RNASEH2A: variants seen among roughly 807,000 people sequenced by gnomAD.
RNASEH2A encodes RNase H(35).
A neutral mutation model predicts 32.7 loss-of-function variants in RNASEH2A; 30 were observed. The ratio of observed to expected loss-of-function variants is 0.92; its 90% CI spans 0.69 to 1.25. The LOEUF (loss-of-function observed/expected upper bound fraction) is 1.25, where lower values mean the gene tolerates loss of function less well. Among genes scored for constraint, RNASEH2A ranks in the 50% most tolerant of loss-of-function variants. The pLI is 0.00. For synonymous variants in RNASEH2A, 147 were observed against 165.4 expected, an observed-to-expected ratio of 0.89 and a Z score of 0.86; for missense variants, 409 against 398.1, an observed-to-expected ratio of 1.03 and a Z score of -0.23.
At position 12,809,339 on chromosome 19, in the gene RNASEH2A, C is replaced by T. The variant is rs551331114; in HGVS notation, c.412-732C>T. Among the ~76,000 whole-genome samples the T allele has an allele frequency of 2.0e-5, 3 of 152,334 alleles. 1 individual carries two copies. The highest frequency in any genetic ancestry group is 4.8e-5 in the African/African-American group (2 of 41,574). On this transcript the variant is annotated intron_variant, in intron 4 of 7. Coordinates refer to ENST00000221486, the MANE Select transcript of RNASEH2A (RefSeq NM_006397.3). ...CCCAGCAGCTCTTGGACCCTCTCTTCGGTGCTGCAGCCAAAGGCCCCCATG... is the reference window on the plus strand; with the variant it reads ...CCCAGCAGCTCTTGGACCCTCTCTTTGGTGCTGCAGCCAAAGGCCCCCATG...
At chr19:12,812,448 C>T (rs180826749) in intron 6 of RNASEH2A, among the ~76,000 whole-genome samples, 1 of 152,242 alleles carries the variant, frequency 6.6e-6, no homozygotes, top group Non-Finnish European at 1.5e-5. Flanking sequence ...AGGAGAATCG[C>T]TTGAACCTGG....
rs944396886 is a variant in RNASEH2A, at chr19:12,808,600, G to A, written c.411+1094G>A. The stretch of plus-strand genomic sequence containing the variant: ...TCTGTTCCCCAAGCAGCAACAGAAG[G>A]TAGTCTTTTTGAAATGCACATCTCG... On this transcript the variant is annotated intron_variant, in intron 4 of 7. Coordinates refer to ENST00000221486, the MANE Select transcript of RNASEH2A (RefSeq NM_006397.3). 1.6e-4 allele frequency among the ~76,000 whole-genome samples: 25 copies of A among 152,234 alleles called. 1 individual carries two copies. The highest frequency in any genetic ancestry group is 3.4e-3 in the Middle Eastern group (1 of 294).
At chr19:12,810,522 T>G in intron 6 of RNASEH2A, 118 bp downstream of exon 6, 2 of 990,330 alleles carry the variant, frequency 2.0e-6, no homozygotes, top group Non-Finnish European at 3.1e-6. Context: ...TTTTTTGTTT[T>G]TATTTGTTAT....
rs1273927521 is a variant in RNASEH2A at position 12,813,633 on chromosome 19, T to G, written c.*167T>G. On this transcript the variant is annotated 3_prime_UTR_variant, in exon 8 of 8. Transcript: ENST00000221486. The stretch of plus-strand genomic sequence containing the variant: ...GAACCTTAAATAGAATGGGTGTTGG[T>G]TGATTAATTTTATTTGGTTTGATTT... The G allele has an allele frequency of 3.5e-6, 2 of 578,090 alleles. No homozygotes were observed. Among genetic ancestry groups the G allele is most frequent in the African/African-American group, 3.7e-5 (2 of 53,424 alleles). 35.8% of individuals were successfully genotyped at this position (578,090 alleles called of 1,614,324 possible). A position where few individuals can be genotyped will look rare whatever the true frequency, so the allele number is the denominator to read the frequency against.
intron 6 of RNASEH2A, among the ~76,000 whole-genome samples, chr19:12,810,954 C>T (rs1213772912): frequency 2.0e-5 from 3 of 152,096 alleles, no homozygotes; most frequent in Non-Finnish European, 4.4e-5. Context: ...TGAGCCACCA[C>T]CCCTGGCCCT....
chr19:12,813,008 A>T (rs1284546341), intron 6 of RNASEH2A, 75 bp from the exon 7 acceptor site: 3 of 1,395,644 alleles, frequency 2.1e-6, no homozygotes, highest in Non-Finnish European at 2.9e-6. Context: ...CATCTCAAAG[A>T]AAAAAAAAAG....
In RNASEH2A at chr19:12,809,998, C is replaced by A. The variant is rs866060322; in HGVS notation, c.412-73C>A. ...AGAGGATTCTGGGTAGCAGGAAGAA[C>A]GTGCCAGGGCTGTGAGGCTAGAGCA... is the stretch of plus-strand genomic sequence containing the variant. On this transcript the variant is annotated intron_variant, in intron 4 of 7. Transcript: ENST00000221486. 5 of 1,589,648 alleles carry A rather than the reference C, an allele frequency of 3.1e-6. 1 individual carries two copies. The Middle Eastern group carries it at 7.1e-4, about 225-fold the overall frequency.
intron 4 of RNASEH2A, among the ~76,000 whole-genome samples, chr19:12,808,465 C>T (rs921498591): frequency 2.7e-5 from 4 of 149,998 alleles, no homozygotes; most frequent in African/African-American, 1.0e-4. Flanking sequence ...GTCTCCAGAA[C>T]AAATCCTACA....
chr19:12,807,013 A>G lies in RNASEH2A; in HGVS notation c.133A>G (p.Met45Val), dbSNP rs1486090917. The change falls in exon 2 of 8, where the codon ATG becomes GTG. Residue 45 changes from methionine to valine, a missense_variant. Transcript: ENST00000221486. Reference sequence around the variant, plus strand: ...CTGACACCCCTTCTCCCCAGGCCCCATGGTCTACGCCATCTGTTATTGTCC... The same window carrying G: ...CTGACACCCCTTCTCCCCAGGCCCCGTGGTCTACGCCATCTGTTATTGTCC... ...EAGRGPVLGP[M>V]VYAICYCPLP... 1.2e-6 allele frequency: 2 copies of G among 1,613,862 alleles called. No individual in the cohort carries two copies. Among genetic ancestry groups the G allele is most frequent in the African/African-American group, 1.3e-5 (1 of 75,030 alleles).
chr19:12,813,150 G>A lies in RNASEH2A; in HGVS notation c.705G>A (p.Arg235=), dbSNP rs1969097772. 1.2e-5 allele frequency: 19 copies of A among 1,613,956 alleles called. No individual in the cohort carries two copies. In the South Asian group the frequency reaches 2.1e-4, roughly 18 times the overall value. Residue 235 remains arginine (R), a synonymous_variant, in exon 7 of 8, where the codon CGG becomes CGA. Coordinates refer to ENST00000221486, the MANE Select transcript of RNASEH2A (RefSeq NM_006397.3). Reference sequence around the variant, plus strand: ...TGTTCGGCTTCCCCCAGTTTGTCCGGTTCAGCTGGCGCACGGCCCAGACCA... The same window carrying A: ...TGTTCGGCTTCCCCCAGTTTGTCCGATTCAGCTGGCGCACGGCCCAGACCA... ...EPVFGFPQFV[R]FSWRTAQTIL...
intron 1 of RNASEH2A, 27 bp downstream of exon 1, chr19:12,806,827 G>T: frequency 6.3e-7 from 1 of 1,589,476 alleles, no homozygotes; most frequent in East Asian, 2.3e-5. Flanking sequence ...AGGGAGGGGA[G>T]GGGCGTGGTA....
At chr19:12,806,944 G>T in intron 1 of RNASEH2A, 64 bp from the exon 2 acceptor site, 1 of 1,606,970 alleles carries the variant, frequency 6.2e-7, no homozygotes, top group Non-Finnish European at 8.5e-7. Flanking sequence ...GGGATGAATG[G>T]CAACTTTCAC....
rs992561670 is a variant in RNASEH2A at position 12,807,097 on chromosome 19, G to A, written c.199+18G>A. 4 of 1,614,178 alleles carry A rather than the reference G, an allele frequency of 2.5e-6. No individual in the cohort carries two copies. The highest frequency in any genetic ancestry group is 1.1e-5 in the South Asian group (1 of 91,088). On this transcript the variant is annotated intron_variant, in intron 2 of 7. Transcript: ENST00000221486. ...AGTGGCAGGTGAGCCCGAGGTGTGC[G>A]TCTGGGGAAGGGATTCCTGGGTATG...
At chr19:12,807,574 A>G in intron 4 of RNASEH2A, 68 bp downstream of exon 4, 1 of 1,277,818 alleles carries the variant, frequency 7.8e-7, no homozygotes, top group Non-Finnish European at 1.1e-6. Flanking sequence ...CAGGAGTTCG[A>G]GACTGCAGTG....
At position 12,810,077 on chromosome 19, in the gene RNASEH2A, G is replaced by T; in HGVS notation, c.418G>T (p.Val140Leu). The T allele has an allele frequency of 6.2e-7, 1 of 1,614,110 alleles. No individual in the cohort carries two copies. Among genetic ancestry groups the T allele is most frequent in the Non-Finnish European group, 8.5e-7 (1 of 1,180,020 alleles). ...DQGVNVTQVFVDTVGMPETYQ... is the reference protein window; with the variant it reads ...DQGVNVTQVFLDTVGMPETYQ... ...GTGTCTGTTGCTGTGGCAGGTATTC[G>T]TGGACACCGTAGGGATGCCAGAGAC... The change falls in exon 5 of 8, where the codon GTG (valine) becomes TTG (leucine). Residue 140 changes from valine to leucine, a missense_variant. Val to Leu is a conservative substitution (Grantham distance 32). Coordinates refer to ENST00000221486, the MANE Select transcript of RNASEH2A (RefSeq NM_006397.3).
At chr19:12,813,007 GAA>G (rs199522141) in intron 6 of RNASEH2A, 74 bp from the exon 7 acceptor site, 18 of 1,457,956 alleles carry the variant, frequency 1.2e-5, no homozygotes, top group East Asian at 2.5e-5. Flanking sequence ...CCATCTCAAA[GAA>G]AAAAAAAAGA....
chr19:12,812,773 G>A (rs1385025096), intron 6 of RNASEH2A, among the ~76,000 whole-genome samples: 3 of 152,110 alleles, frequency 2.0e-5, no homozygotes, highest in East Asian at 1.9e-4. Context: ...TTGGGAGGCC[G>A]AGGGGGGTAG....
chr19:12,808,716 T>A (rs1014697758), intron 4 of RNASEH2A, among the ~76,000 whole-genome samples: 29 of 152,262 alleles, frequency 1.9e-4, no homozygotes, highest in African/African-American at 7.0e-4. Flanking sequence ...GAGAAAAACA[T>A]AAATCAGCAT....
intron 6 of RNASEH2A, among the ~76,000 whole-genome samples, chr19:12,812,769 G>C (rs1240069179): frequency 6.6e-6 from 1 of 152,122 alleles, no homozygotes; most frequent in African/African-American, 2.4e-5. Flanking sequence ...CACTTTGGGA[G>C]GCCGAGGGGG....
Sources: allele counts gnomAD v4.1 joint callset (sites outside exome capture counted in the v4.1 genomes callset), GRCh38; gene constraint gnomAD v4.1.1; transcripts MANE v1.5; gene names NCBI Gene and HGNC (gene_info 2026-07-23, HGNC 2026-07-21).